The following RPS6KC1 variants were observed in gnomAD, a reference collection of about 807,000 sequenced individuals.
RPS6KC1 encodes the protein inactive ribosomal protein S6 kinase delta-1.
RPS6KC1 carries 54 observed loss-of-function variants against 103.8 expected under a neutral mutation model. That is an observed-to-expected ratio of 0.52 (90% confidence interval 0.42 to 0.65). RPS6KC1 has a LOEUF of 0.65. RPS6KC1 is among the 30% of genes least tolerant of loss of function. RPS6KC1 has a pLI of 0.00. For missense variants in RPS6KC1, 1,151 were observed against 1,253.8 expected, an observed-to-expected ratio of 0.92 and a Z score of 1.24; for synonymous variants, 439 against 438.7, an observed-to-expected ratio of 1.00 and a Z score of -0.01.
chr1:213,748,011 T>C, the RPS6KC1 span, among the ~76,000 whole-genome samples: 1 of 152,194 alleles, frequency 6.6e-6, no homozygotes, highest in African/African-American at 2.4e-5. Context: ...AAGCTATTAA[T>C]TGAGCATCTA....
chr1:213,387,764 A>G, the RPS6KC1 span, among the ~76,000 whole-genome samples: 14 of 152,346 alleles, frequency 9.2e-5, no homozygotes, highest in East Asian at 2.7e-3. Flanking sequence ...GGAGGGACCT[A>G]GGCAATTATC....
At chr1:213,534,000 C>T in the RPS6KC1 span, among the ~76,000 whole-genome samples, 1 of 152,194 alleles carries the variant, frequency 6.6e-6, no homozygotes, top group Admixed American at 6.5e-5. Context: ...ATGATTTGCC[C>T]ACCTTTCTTG....
the RPS6KC1 span, among the ~76,000 whole-genome samples, chr1:213,330,001 C>T: frequency 2.6e-5 from 4 of 152,232 alleles, no homozygotes; most frequent in African/African-American, 9.6e-5. Flanking sequence ...AAAGCTCCCG[C>T]CACAGACCTC....
At chr1:213,186,154 T>A (rs1182365890) in intron 8 of RPS6KC1, among the ~76,000 whole-genome samples, 1 of 152,012 alleles carries the variant, frequency 6.6e-6, no homozygotes, top group African/African-American at 2.4e-5. Flanking sequence ...TATAGGATTC[T>A]GGGTTTGTTT....
At chr1:213,423,809 G>T in the RPS6KC1 span, among the ~76,000 whole-genome samples, 1 of 152,224 alleles carries the variant, frequency 6.6e-6, no homozygotes, top group Non-Finnish European at 1.5e-5. Flanking sequence ...GAGGCGGCGG[G>T]AGGAGGGGGC....
chr1:213,129,535 A>C lies in RPS6KC1; in HGVS notation c.481A>C (p.Ser161Arg), dbSNP rs753879162. 1 of 1,604,450 alleles carries C rather than the reference A, an allele frequency of 6.2e-7. No individual in the cohort carries two copies. The highest frequency in any genetic ancestry group is 8.5e-7 in the Non-Finnish European group (1 of 1,176,038). ...FPECSTEGFSSDSDLVSLTVD... is the reference protein window; with the variant it reads ...FPECSTEGFSRDSDLVSLTVD... ...TGTGATCATATTTCTAGGCTTCTCC[A>C]GTGACAGTGATCTGGTATCTCTTAC... The change falls in exon 6 of 15, where the codon AGT becomes CGT. Residue 161 changes from serine (S) to arginine (R), a missense_variant. Ser to Arg is a moderately radical substitution (Grantham distance 110, BLOSUM62 -1). Transcript: ENST00000366960.
the RPS6KC1 span, chr1:213,817,746 C>A: frequency 1.3e-5 from 2 of 152,176 alleles, no homozygotes; most frequent in Non-Finnish European, 2.9e-5. Context: ...GAAGTTCAGG[C>A]AGACTGCATT....
the RPS6KC1 span, among the ~76,000 whole-genome samples, chr1:213,622,804 C>T: frequency 2.0e-5 from 3 of 152,140 alleles, no homozygotes; most frequent in Non-Finnish European, 2.9e-5. Flanking sequence ...TGTCCTTTCC[C>T]GGGCTTAATG....
chr1:213,593,734 G>T, the RPS6KC1 span, among the ~76,000 whole-genome samples: 1 of 152,284 alleles, frequency 6.6e-6, no homozygotes, highest in Non-Finnish European at 1.5e-5. Context: ...GTTGTAGGTG[G>T]GGTGGGAGGC....
In RPS6KC1 at chr1:213,118,000, C is replaced by T. The variant is rs889935132; in HGVS notation, c.472+590C>T. 8.3e-5 allele frequency among the ~76,000 whole-genome samples: 4 copies of T among 48,234 alleles called. No individual in the cohort carries two copies. In the Admixed American group the frequency reaches 8.7e-4, roughly 11 times the overall value. The allele number at this position is 48,234 out of a possible 152,430, so 31.6% of individuals were successfully genotyped here. A position where few individuals can be genotyped will look rare whatever the true frequency, so the allele number is the denominator to read the frequency against. ...CTGTGCCACTGCACTCTAGCCTGGACAACAAAGCAAGACTTTGTCTCAAAA... is the reference window on the plus strand; with the variant it reads ...CTGTGCCACTGCACTCTAGCCTGGATAACAAAGCAAGACTTTGTCTCAAAA... On this transcript the variant is annotated intron_variant, in intron 5 of 14. Coordinates refer to ENST00000366960, the MANE Select transcript of RPS6KC1 (RefSeq NM_012424.6).
the RPS6KC1 span, among the ~76,000 whole-genome samples, chr1:213,846,442 C>T: frequency 6.6e-6 from 1 of 152,144 alleles, no homozygotes; most frequent in Non-Finnish European, 1.5e-5. Flanking sequence ...CCTAATATCT[C>T]AAAAGAAAAT....
chr1:213,673,473 G>GATGGTTT, the RPS6KC1 span, among the ~76,000 whole-genome samples: 1 of 152,176 alleles, frequency 6.6e-6, no homozygotes, highest in Non-Finnish European at 1.5e-5. Context: ...TGGAAGTGAT[G>GATGGTTT]ATGGTTTCAC....
At chr1:213,837,771 A>G in the RPS6KC1 span, among the ~76,000 whole-genome samples, 1 of 152,200 alleles carries the variant, frequency 6.6e-6, no homozygotes, top group Non-Finnish European at 1.5e-5. Flanking sequence ...TGTTAAATTC[A>G]ATTTTGCTTC....
the RPS6KC1 span, among the ~76,000 whole-genome samples, chr1:213,420,849 T>C: frequency 6.6e-6 from 1 of 152,186 alleles, no homozygotes; most frequent in Non-Finnish European, 1.5e-5. Flanking sequence ...CCTCTGAACA[T>C]GCAGGGCAGA....
the RPS6KC1 span, among the ~76,000 whole-genome samples, chr1:213,301,694 TTTAC>T: frequency 4.7e-3 from 608 of 130,206 alleles, no homozygotes; most frequent in Non-Finnish European, 6.6e-3. Context: ...GCAAGACCCA[TTTAC>T]TTATTTATTT....
chr1:213,186,511 C>G (rs1347675281), intron 8 of RPS6KC1, among the ~76,000 whole-genome samples: 1 of 152,108 alleles, frequency 6.6e-6, no homozygotes, highest in East Asian at 1.9e-4. Context: ...TTAGGATCCT[C>G]TCTTTGCCCT....
the RPS6KC1 span, among the ~76,000 whole-genome samples, chr1:213,496,435 G>A: frequency 6.6e-6 from 1 of 152,056 alleles, no homozygotes; most frequent in Non-Finnish European, 1.5e-5. Context: ...TTAAAACAGA[G>A]TGAAAGGCAG....
At chr1:213,337,171 T>C in the RPS6KC1 span, among the ~76,000 whole-genome samples, 2 of 152,146 alleles carry the variant, frequency 1.3e-5, no homozygotes, top group African/African-American at 4.8e-5. Context: ...AGACAAGGGG[T>C]TAAACTTTGC....
the RPS6KC1 span, among the ~76,000 whole-genome samples, chr1:213,729,821 TAGGTAAACTTGTGTCATGGG>T: frequency 1.3e-5 from 2 of 152,174 alleles, no homozygotes; most frequent in African/African-American, 4.8e-5. Flanking sequence ...GTTTGTTATA[TAGGTAAACTTGTGTCATGGG>T]AGTTTGTTGT....
Sources: gnomAD v4.1 joint callset for allele counts (sites outside exome capture counted in the v4.1 genomes callset) on GRCh38, gnomAD v4.1.1 for gene constraint, MANE v1.5 for transcripts, NCBI Gene and HGNC (gene_info 2026-07-23, HGNC 2026-07-21) for gene names.